PIEZO2: variants seen among roughly 807,000 people sequenced by gnomAD.
The protein encoded by PIEZO2 is piezo type mechanosensitive ion channel component 2.
In PIEZO2, 172 loss-of-function variants were observed where a neutral mutation model predicts 337.3. The ratio of observed to expected loss-of-function variants is 0.51; its 90% CI spans 0.45 to 0.58. PIEZO2 has a LOEUF of 0.58. PIEZO2 is among the 20% of genes least tolerant of loss of function. The pLI is 0.00. For missense variants in PIEZO2, 3,028 were observed against 3,391.3 expected (o/e 0.89, Z 2.66); for synonymous variants, 1,251 against 1,228.5 (o/e 1.02, Z -0.38).
Position 10,875,495 on chromosome 18 carries a change from C to T in PIEZO2, c.330-4080G>A, listed in dbSNP as rs919028418. 2.0e-5 allele frequency among the ~76,000 whole-genome samples: 3 copies of T among 152,178 alleles called. No homozygotes were observed. In the South Asian group the frequency reaches 6.2e-4, roughly 32 times the overall value. On this transcript the variant is annotated intron_variant, in intron 4 of 55. Coordinates refer to ENST00000674853, the MANE Select transcript of PIEZO2 (RefSeq NM_001378183.1). The stretch of plus-strand genomic sequence containing the variant: ...AAAGGCCAGGCTTGGGTGGCTGTTT[C>T]GGTGTGGGGCTGAGGTCAGGAGTAG...
chr18:10,731,484 G>A lies in PIEZO2; in HGVS notation c.4952C>T (p.Ala1651Val). The A allele has an allele frequency of 6.5e-7, 1 of 1,533,976 alleles. No homozygotes were observed. Among genetic ancestry groups the A allele is most frequent in the Non-Finnish European group, 8.7e-7 (1 of 1,145,354 alleles). The stretch of plus-strand genomic sequence containing the variant: ...TTTCTCTTTGTGTCTTTGTCGGAGT[G>A]CTGTTTTAGGATCAGTAATCCAGGC... ...YQAWITDPKT[A>V]LRQRHKEKKR... The change falls in exon 36 of 56, where the codon GCA (alanine) becomes GTA (valine). Residue 1651 changes from alanine to valine, a missense_variant. Coordinates refer to ENST00000674853, the MANE Select transcript of PIEZO2 (RefSeq NM_001378183.1).
Position 10,789,359 on chromosome 18 carries a change from T to A in PIEZO2, c.1889A>T (p.Glu630Val). 6.5e-7 allele frequency: 1 copy of A among 1,535,090 alleles called. No individual in the cohort carries two copies. The highest frequency in any genetic ancestry group is 8.7e-7 in the Non-Finnish European group (1 of 1,146,034). ...TCCTTCCACTTGTATATCTTGAAGT[T>A]CCTCATCTTCAAATAGAAAACTGTG... ...GSQENEEKDE[E>V]LQDIQVEGEP... Residue 630 changes from glutamate (E) to valine (V), a missense_variant, in exon 15 of 56, where the codon GAA (glutamate) becomes GTA (valine). Physicochemically the swap from Glu to Val is moderately radical, Grantham distance 121. Coordinates refer to ENST00000674853, the MANE Select transcript of PIEZO2 (RefSeq NM_001378183.1).
rs1489287466 is a variant in PIEZO2, at chr18:11,027,349, A to G, written c.160+38778T>C. On this transcript the variant is annotated intron_variant, in intron 2 of 55. Transcript: ENST00000674853. The surrounding 1 kb of genome is among the most constrained non-coding windows in gnomAD (Gnocchi z 4.2). ...AATAAAGGAAGGACTGCGACTGTCA[A>G]TTCACCAGTGAGGCAAGGCAGGAAT... Among the ~76,000 whole-genome samples, 2 of 152,204 alleles carry G rather than the reference A, an allele frequency of 1.3e-5. No individual in the cohort carries two copies. The highest frequency in any genetic ancestry group is 2.4e-5 in the African/African-American group (1 of 41,462).
rs264179 is a variant in PIEZO2, at chr18:10,953,916, A to T, written c.286+25619T>A. 6.6e-6 allele frequency among the ~76,000 whole-genome samples: 1 copy of T among 151,866 alleles called. No homozygotes were observed. Among genetic ancestry groups the T allele is most frequent in the African/African-American group, 2.4e-5 (1 of 41,342 alleles). ...AGGACGATACTGCCTTGTTTTAATG[A>T]TTTGCGGCTGGCAGGGAACTGAAGT... is the stretch of plus-strand genomic sequence containing the variant. On this transcript the variant is annotated intron_variant, in intron 3 of 55. Transcript: ENST00000674853. This position sits in a 1 kb window ranked among gnomAD's most constrained non-coding sequence, Gnocchi z 5.2.
chr18:10,814,247 G>A (rs1490265349), intron 7 of PIEZO2, among the ~76,000 whole-genome samples: 2 of 152,046 alleles, frequency 1.3e-5, no homozygotes, highest in African/African-American at 2.4e-5. Flanking sequence ...AGGATTACAG[G>A]CATGAGCCAC....
In PIEZO2 at chr18:11,009,756, C is replaced by T. The variant is rs569495773; in HGVS notation, c.161-30096G>A. ...AGATAGGGCCTTTAAAGAGGTAATT[C>T]AGGTAGCACGAGGTCATAGAGGTGG... On this transcript the variant is annotated intron_variant, in intron 2 of 55. Coordinates refer to ENST00000674853, the MANE Select transcript of PIEZO2 (RefSeq NM_001378183.1). The surrounding 1 kb of genome is among the most constrained non-coding windows in gnomAD (Gnocchi z 4.6). Among the ~76,000 whole-genome samples the T allele has an allele frequency of 7.2e-5, 11 of 152,022 alleles. No homozygotes were observed. The highest frequency in any genetic ancestry group is 1.6e-4 in the Non-Finnish European group (11 of 68,030).
chr18:10,957,485 A>G (rs1262116590), intron 3 of PIEZO2, among the ~76,000 whole-genome samples: 1 of 152,162 alleles, frequency 6.6e-6, no homozygotes, highest in Non-Finnish European at 1.5e-5. Flanking sequence ...GAATGAAATT[A>G]TACCCTCTTC....
chr18:11,033,997 T>TA lies in PIEZO2; in HGVS notation c.160+32129dup, dbSNP rs535924884. ...TGAAGGGGAAAAAAACCCTCAGATT[T>TA]AAAAAAAAATTCGACAGTCTTTAAA... On this transcript the variant is annotated intron_variant, in intron 2 of 55. Transcript: ENST00000674853. This position sits in a 1 kb window ranked among gnomAD's most constrained non-coding sequence, Gnocchi z 4.2. 1.3e-4 allele frequency among the ~76,000 whole-genome samples: 20 copies of TA among 151,766 alleles called. No homozygotes were observed. Among genetic ancestry groups the TA allele is most frequent in the Non-Finnish European group, 2.4e-4 (16 of 67,880 alleles).
chr18:10,905,972 C>CA (rs2145038182), intron 4 of PIEZO2, among the ~76,000 whole-genome samples: 1 of 152,202 alleles, frequency 6.6e-6, no homozygotes, highest in East Asian at 1.9e-4. Context: ...GCCATCAGGA[C>CA]AGGTTTTACT....
At chr18:10,694,434 G>A (rs1220176189) in intron 47 of PIEZO2, among the ~76,000 whole-genome samples, 1 of 152,106 alleles carries the variant, frequency 6.6e-6, no homozygotes, top group African/African-American at 2.4e-5. Flanking sequence ...TGTTTGATAT[G>A]TTATTCATAA....
intron 2 of PIEZO2, among the ~76,000 whole-genome samples, chr18:10,990,952 T>G (rs1000216224): frequency 6.6e-6 from 1 of 152,064 alleles, no homozygotes; most frequent in African/African-American, 2.4e-5. Flanking sequence ...AATATTAATC[T>G]GTAGAATGTG....
At chr18:11,022,811 G>A (rs1035816401) in intron 2 of PIEZO2, among the ~76,000 whole-genome samples, 3 of 152,160 alleles carry the variant, frequency 2.0e-5, no homozygotes, top group Admixed American at 6.5e-5. Flanking sequence ...CACTGACTTC[G>A]AGAATGAAGT....
Position 10,677,940 on chromosome 18 carries a change from A to G in PIEZO2, c.7953-65T>C. On this transcript the variant is annotated intron_variant, in intron 52 of 55. Transcript: ENST00000674853. The surrounding 1 kb of genome is among the most constrained non-coding windows in gnomAD (Gnocchi z 4.1). ...CAGAAGTCTGGAAAAGAGATTTACA[A>G]CATATTTAACTCTTAATTTGATTAA... The G allele has an allele frequency of 7.0e-7, 1 of 1,421,232 alleles. No homozygotes were observed. Among genetic ancestry groups the G allele is most frequent in the Non-Finnish European group, 9.4e-7 (1 of 1,062,506 alleles). 88.0% of individuals were successfully genotyped at this position (1,421,232 alleles called of 1,614,324 possible). A position where few individuals can be genotyped will look rare whatever the true frequency, so the allele number is the denominator to read the frequency against.
chr18:10,922,198 G>T (rs190616551), intron 3 of PIEZO2, among the ~76,000 whole-genome samples: 124 of 152,142 alleles, frequency 8.2e-4, no homozygotes, highest in African/African-American at 3.0e-3. Context: ...GGCTTGTGGG[G>T]CATCACAGAA....
rs562359164 is a variant in PIEZO2, at chr18:10,850,120, C to T, written c.917+5233G>A. Among the ~76,000 whole-genome samples, 4 of 152,224 alleles carry T rather than the reference C, an allele frequency of 2.6e-5. No homozygotes were observed. Among genetic ancestry groups the T allele is most frequent in the South Asian group, 2.1e-4 (1 of 4,818 alleles). On this transcript the variant is annotated intron_variant, in intron 7 of 55. Transcript: ENST00000674853. This position sits in a 1 kb window ranked among gnomAD's most constrained non-coding sequence, Gnocchi z 4.5. ...TACATTTTGTTTTGGAAAATATGCT[C>T]GTGCCACACCTGTGTGCATAAACGG... is the stretch of plus-strand genomic sequence containing the variant.
chr18:11,141,468 G>A (rs1426336781), intron 1 of PIEZO2, among the ~76,000 whole-genome samples: 1 of 152,208 alleles, frequency 6.6e-6, no homozygotes, highest in Non-Finnish European at 1.5e-5. Flanking sequence ...GGCCAGGTTG[G>A]AGGCTTGAGG....
rs114088012 is a variant in PIEZO2 at position 11,049,688 on chromosome 18, G to T, written c.160+16439C>A. On this transcript the variant is annotated intron_variant, in intron 2 of 55. Coordinates refer to ENST00000674853, the MANE Select transcript of PIEZO2 (RefSeq NM_001378183.1). ...CTGTTCTCACGGTAGTAAGTCTCAAGAGATCTGATGATTTTATAAGACATT... is the reference window on the plus strand; with the variant it reads ...CTGTTCTCACGGTAGTAAGTCTCAATAGATCTGATGATTTTATAAGACATT... Among the ~76,000 whole-genome samples the T allele has an allele frequency of 3.5e-3, 535 of 152,282 alleles. 3 individuals carry two copies. Among genetic ancestry groups the T allele is most frequent in the African/African-American group, 0.012 (518 of 41,556 alleles).
rs537129817 is a variant in PIEZO2 at position 11,002,686 on chromosome 18, C to A, written c.161-23026G>T. ...TTGCTTTGTTGCAATGTTTTACTGGCGGCGGCGGGGAACACATTCAGGCAG... is the reference window on the plus strand; with the variant it reads ...TTGCTTTGTTGCAATGTTTTACTGGAGGCGGCGGGGAACACATTCAGGCAG... On this transcript the variant is annotated intron_variant, in intron 2 of 55. Coordinates refer to ENST00000674853, the MANE Select transcript of PIEZO2 (RefSeq NM_001378183.1). This position sits in a 1 kb window ranked among gnomAD's most constrained non-coding sequence, Gnocchi z 4.3. Among the ~76,000 whole-genome samples, 1 of 152,134 alleles carries A rather than the reference C, an allele frequency of 6.6e-6. No homozygotes were observed. The highest frequency in any genetic ancestry group is 1.5e-5 in the Non-Finnish European group (1 of 68,026).
chr18:10,921,904 T>C (rs2031441338), intron 3 of PIEZO2, among the ~76,000 whole-genome samples: 1 of 152,136 alleles, frequency 6.6e-6, no homozygotes, highest in Non-Finnish European at 1.5e-5. Context: ...CCCATAGCGC[T>C]CCCAGGCTTA....
Sources: allele counts gnomAD v4.1 joint callset (sites outside exome capture counted in the v4.1 genomes callset), GRCh38; gene constraint gnomAD v4.1.1; non-coding constraint Gnocchi (gnomAD v3.1); transcripts MANE v1.5; gene names NCBI Gene and HGNC (gene_info 2026-07-23, HGNC 2026-07-21).